The following TUBB8B variants were observed in gnomAD, a reference collection of about 807,000 sequenced individuals.
TUBB8B encodes the protein HSA18p11 beta-tubulin 4Q pseudogene.
A neutral mutation model predicts 31.9 loss-of-function variants in TUBB8B; 26 were observed. The ratio of observed to expected loss-of-function variants is 0.81; its 90% confidence interval spans 0.60 to 1.13. TUBB8B has a LOEUF of 1.13. TUBB8B is among the 50% of genes most tolerant of loss of function. The pLI, the probability that TUBB8B is intolerant of heterozygous loss-of-function variation, is 0.00. For missense variants in TUBB8B, 467 were observed against 586.7 expected, an observed-to-expected ratio of 0.80 and a Z score of 2.11; for synonymous variants, 173 against 231.0, an observed-to-expected ratio of 0.75 and a Z score of 2.28.
chr18:70,868 G>A, the TUBB8B span, among the ~76,000 whole-genome samples: 2 of 149,208 alleles, frequency 1.3e-5, no homozygotes, highest in South Asian at 2.1e-4. Flanking sequence ...GAACCCAGGA[G>A]TCAGAGGTTG....
At position 49,185 on chromosome 18, in the gene TUBB8B, T is replaced by G. The variant is rs562086001; in HGVS notation, c.110A>C (p.His37Pro). The G allele has an allele frequency of 7.3e-6, 11 of 1,500,830 alleles. No homozygotes were observed. Among genetic ancestry groups the G allele is most frequent in the Non-Finnish European group, 9.7e-6 (11 of 1,132,578 alleles). 93.0% of individuals were successfully genotyped at this position (1,500,830 alleles called of 1,614,324 possible). ...CTCCAGCTGCAGGTGGCTGTCCCCGTGGTAGGTGCCAGCGGAGTCGATGGC... is the reference window on the plus strand; with the variant it reads ...CTCCAGCTGCAGGTGGCTGTCCCCGGGGTAGGTGCCAGCGGAGTCGATGGC... Reference protein sequence around the residue: ...EHAIDSAGTYHGDSHLQLERI... With the variant: ...EHAIDSAGTYPGDSHLQLERI... The change falls in exon 2 of 4, where the codon CAC (histidine) becomes CCC (proline). Residue 37 changes from histidine (H) to proline (P), a missense_variant. Transcript: ENST00000308911.
In TUBB8B at chr18:48,365, G is replaced by C. The variant is rs12104021; in HGVS notation, c.360C>G (p.Val120=). ...AELTESVMDV[V]RKEAESCDCL... is the part of the protein sequence containing the mutation. The stretch of plus-strand genomic sequence containing the variant: ...AGTCACAGCTCTCAGCCTCCTTTCT[G>C]ACAACGTCCATCACTGACTCCGTCA... The change falls in exon 4 of 4, where the codon GTC becomes GTG. Residue 120 remains valine, a synonymous_variant. Transcript: ENST00000308911. The C allele has an allele frequency of 0.14, 225,097 of 1,586,666 alleles. 1,768 individuals carry two copies. Among genetic ancestry groups the C allele is most frequent in the African/African-American group, 0.25 (18,001 of 73,374 alleles).
At chr18:66,902 T>C in the TUBB8B span, among the ~76,000 whole-genome samples, 10 of 152,322 alleles carry the variant, frequency 6.6e-5, no homozygotes, top group African/African-American at 1.7e-4. Flanking sequence ...AGTTCATGAA[T>C]ATGAGGCATC....
chr18:48,710 G>C lies in TUBB8B; in HGVS notation c.277+230C>G, dbSNP rs373991764. 1.9e-5 allele frequency: 13 copies of C among 680,134 alleles called. No homozygotes were observed. In the East Asian group the frequency reaches 2.2e-4, roughly 11 times the overall value. 42.1% of individuals were successfully genotyped at this position (680,134 alleles called of 1,614,324 possible). On this transcript the variant is annotated intron_variant, in intron 3 of 3. Coordinates refer to ENST00000308911, the MANE Select transcript of TUBB8B (RefSeq NM_001358689.2). ...CATTCTCAGGAAAGGCAGTAGCCAC[G>C]GCCCCAGCTCAGCTCCCGGCAGGGA...
the TUBB8B span, among the ~76,000 whole-genome samples, chr18:72,196 A>AAAAAACAAAAAAAAAAAAAAAAAAC: frequency 1.2e-5 from 1 of 84,536 alleles, no homozygotes; most frequent in Admixed American, 1.4e-4. Flanking sequence ...AAAAAAAAAA[A>AAAAAACAAAAAAAAAAAAAAAAAAC]AAAGGAAAAA....
At chr18:58,088 G>A in the TUBB8B span, among the ~76,000 whole-genome samples, 1 of 151,194 alleles carries the variant, frequency 6.6e-6, no homozygotes, top group African/African-American at 2.4e-5. Context: ...GTGATGGGGG[G>A]CTGCCTTTTA....
At chr18:63,307 G>A in the TUBB8B span, among the ~76,000 whole-genome samples, 6 of 151,892 alleles carry the variant, frequency 4.0e-5, no homozygotes, top group South Asian at 2.1e-4. Context: ...AAGAGACTTA[G>A]GTCCCAAGCC....
chr18:57,968 G>C, the TUBB8B span, among the ~76,000 whole-genome samples: 1 of 151,810 alleles, frequency 6.6e-6, no homozygotes, highest in Non-Finnish European at 1.5e-5. Flanking sequence ...GCTACACCTG[G>C]AGCTGGAGCA....
chr18:63,194 G>A, the TUBB8B span, among the ~76,000 whole-genome samples: 2 of 151,668 alleles, frequency 1.3e-5, no homozygotes, highest in Non-Finnish European at 2.9e-5. Context: ...ACTTGTAGAT[G>A]TTCATCCATA....
chr18:47,357 C>G lies in TUBB8B; in HGVS notation c.*33G>C. 1 of 689,858 alleles carries G rather than the reference C, an allele frequency of 1.4e-6. No homozygotes were observed. The highest frequency in any genetic ancestry group is 1.7e-5 in the South Asian group (1 of 59,908). The allele number at this position is 689,858 out of a possible 1,614,324, so 42.7% of individuals were successfully genotyped here. ...GTCAGAACACAGTAAAGAATCCACA[C>G]TGCTTCCCCCCTTTACCTAGAAAAG... is the stretch of plus-strand genomic sequence containing the variant. On this transcript the variant is annotated 3_prime_UTR_variant, in exon 4 of 4. Transcript: ENST00000308911.
At chr18:56,924 G>C in the TUBB8B span, among the ~76,000 whole-genome samples, 1 of 151,828 alleles carries the variant, frequency 6.6e-6, no homozygotes, top group Non-Finnish European at 1.5e-5. Flanking sequence ...TGAGGGCAGG[G>C]GGGAAGTGCT....
upstream of TUBB8B, among the ~76,000 whole-genome samples, chr18:53,406 G>T (rs1211849850): frequency 1.3e-5 from 2 of 151,872 alleles, no homozygotes; most frequent in Non-Finnish European, 2.9e-5. Flanking sequence ...TAATATGCAA[G>T]TTGACACAGT....
At chr18:61,509 G>A in the TUBB8B span, among the ~76,000 whole-genome samples, 1 of 151,214 alleles carries the variant, frequency 6.6e-6, no homozygotes, top group African/African-American at 2.4e-5. Flanking sequence ...ATTGATTTTT[G>A]TCCTCTCATT....
At chr18:49,441 A>G (rs1905957805) in intron 1 of TUBB8B, 60 bp downstream of exon 1, 5 of 932,276 alleles carry the variant, frequency 5.4e-6, no homozygotes, top group Non-Finnish European at 8.5e-6. Context: ...CGCCACTGCC[A>G]ACATCTTCCC....
At chr18:72,196 A>AAAAAAAAAC in the TUBB8B span, among the ~76,000 whole-genome samples, 408 of 84,368 alleles carry the variant, frequency 4.8e-3, 26 homozygotes, top group East Asian at 0.018. Context: ...AAAAAAAAAA[A>AAAAAAAAAC]AAAGGAAAAA....
chr18:62,703 G>A, the TUBB8B span, among the ~76,000 whole-genome samples: 1 of 151,830 alleles, frequency 6.6e-6, no homozygotes, highest in African/African-American at 2.4e-5. Context: ...TTACAGGCGT[G>A]AGCCACTGCA....
upstream of TUBB8B, among the ~76,000 whole-genome samples, chr18:52,135 G>A (rs796566788): frequency 1.3e-4 from 19 of 151,906 alleles, no homozygotes; most frequent in African/African-American, 4.6e-4. Flanking sequence ...TGTAGGTGCT[G>A]TTCTAATGTT....
At chr18:63,558 G>C in the TUBB8B span, among the ~76,000 whole-genome samples, 5 of 151,376 alleles carry the variant, frequency 3.3e-5, no homozygotes, top group East Asian at 9.7e-4. Context: ...ATAGAACTTG[G>C]TCTCACCCAA....
the TUBB8B span, among the ~76,000 whole-genome samples, chr18:55,986 A>C: frequency 6.6e-6 from 1 of 151,736 alleles, no homozygotes; most frequent in East Asian, 1.9e-4. Flanking sequence ...TAAGTCCTTA[A>C]TTCATTTTAA....
Sources: allele counts gnomAD v4.1 joint callset (sites outside exome capture counted in the v4.1 genomes callset), GRCh38; gene constraint gnomAD v4.1.1; transcripts MANE v1.5; gene names NCBI Gene and HGNC (gene_info 2026-07-23, HGNC 2026-07-21).